ZSWIM5: variants seen among roughly 807,000 people sequenced by gnomAD.
ZSWIM5 encodes zinc finger SWIM-type containing 5, also known as zinc finger SWIM domain-containing protein 5.
In ZSWIM5, 55 loss-of-function variants were observed where a neutral mutation model predicts 119.6. The observed-to-expected ratio is 0.46, with a 90% CI of 0.37 to 0.58. The LOEUF (loss-of-function observed/expected upper bound fraction) is 0.58, where lower values mean the gene tolerates loss of function less well. Ranked by LOEUF, ZSWIM5 falls within the 20% of genes least tolerant of loss-of-function variation. The pLI is 0.00. For synonymous variants in ZSWIM5, 537 were observed against 606.9 expected, an observed-to-expected ratio of 0.88 and a Z score of 1.69; for missense variants, 1,193 against 1,512.8, an observed-to-expected ratio of 0.79 and a Z score of 3.51.
At chr1:45,094,584 C>T (rs1005655420) in intron 1 of ZSWIM5, among the ~76,000 whole-genome samples, 1 of 151,830 alleles carries the variant, frequency 6.6e-6, no homozygotes, top group Admixed American at 6.6e-5. Context: ...GAGACAGGGC[C>T]AGGCTTGGCG....
chr1:45,060,263 A>G lies in ZSWIM5; in HGVS notation c.953-16T>C. On this transcript the variant is annotated splice_polypyrimidine_tract_variant and intron_variant, in intron 2 of 13. Coordinates refer to ENST00000359600, the MANE Select transcript of ZSWIM5 (RefSeq NM_020883.2). ...TCAGGGGCACCTATGAAGAATGAGAACAGTGAAATGAATCACCTGAGTTCA... is the reference window on the plus strand; with the variant it reads ...TCAGGGGCACCTATGAAGAATGAGAGCAGTGAAATGAATCACCTGAGTTCA... The G allele has an allele frequency of 6.2e-7, 1 of 1,611,904 alleles. No individual in the cohort carries two copies. The highest frequency in any genetic ancestry group is 8.5e-7 in the Non-Finnish European group (1 of 1,179,274).
At chr1:45,071,710 C>T (rs577980893) in intron 2 of ZSWIM5, among the ~76,000 whole-genome samples, 4 of 152,158 alleles carry the variant, frequency 2.6e-5, no homozygotes, top group Non-Finnish European at 5.9e-5. Flanking sequence ...CTGCCTGCTT[C>T]GACCTCCCAA....
intron 1 of ZSWIM5, among the ~76,000 whole-genome samples, chr1:45,142,871 A>T (rs180727364): frequency 6.6e-6 from 1 of 152,030 alleles, no homozygotes; most frequent in Non-Finnish European, 1.5e-5. Flanking sequence ...AGAAAACACA[A>T]GGAAGAAAAC....
At chr1:45,035,641 C>T (rs756679357) in intron 10 of ZSWIM5, 47 bp downstream of exon 10, 19 of 1,599,550 alleles carry the variant, frequency 1.2e-5, no homozygotes, top group African/African-American at 9.4e-5. Context: ...GAGCACTGGA[C>T]ACTTCTGCTT....
rs541091181 is a variant in ZSWIM5, at chr1:45,197,097, A to C, written c.595+8659T>G. 1.2e-4 allele frequency among the ~76,000 whole-genome samples: 18 copies of C among 152,364 alleles called. No individual in the cohort carries two copies. In the South Asian group the frequency reaches 1.7e-3, roughly 14 times the overall value. On this transcript the variant is annotated intron_variant, in intron 1 of 13. Transcript: ENST00000359600. ...CAGAACTCAGCTGTGTTGACCAATC[A>C]GAACTAAGAAAGTTTGACTCCTTTA...
intron 1 of ZSWIM5, among the ~76,000 whole-genome samples, chr1:45,096,448 G>GCA (rs1177286581): frequency 0.02 from 3,094 of 151,332 alleles, 116 homozygotes; most frequent in African/African-American, 0.072. Context: ...GTGTGTGTGT[G>GCA]TGTGTGTGTG....
intron 1 of ZSWIM5, among the ~76,000 whole-genome samples, chr1:45,197,359 A>G (rs1646132714): frequency 6.6e-6 from 1 of 152,170 alleles, no homozygotes; most frequent in African/African-American, 2.4e-5. Flanking sequence ...CTTTGTCATT[A>G]TATCTCGGCT....
intron 11 of ZSWIM5, among the ~76,000 whole-genome samples, chr1:45,030,831 C>A (rs1644948730): frequency 8.0e-6 from 1 of 124,980 alleles, no homozygotes; most frequent in Non-Finnish European, 1.6e-5. Flanking sequence ...GAGTCTTACT[C>A]TGTCCTCCAG....
At chr1:45,048,599 G>T (rs1645071146) in intron 5 of ZSWIM5, among the ~76,000 whole-genome samples, 1 of 152,058 alleles carries the variant, frequency 6.6e-6, no homozygotes, top group Non-Finnish European at 1.5e-5. Flanking sequence ...ATTGAAACTG[G>T]GATACTAAAG....
In ZSWIM5 at chr1:45,062,183, C is replaced by T. The variant is rs1225721314; in HGVS notation, c.953-1936G>A. On this transcript the variant is annotated intron_variant, in intron 2 of 13. Coordinates refer to ENST00000359600, the MANE Select transcript of ZSWIM5 (RefSeq NM_020883.2). Reference sequence around the variant, plus strand: ...TTATTCTGTGACAAGTTTTTAGAAACCTACCTCCAAGTGACAATAGTCCAT... The same window carrying T: ...TTATTCTGTGACAAGTTTTTAGAAATCTACCTCCAAGTGACAATAGTCCAT... 5.3e-5 allele frequency among the ~76,000 whole-genome samples: 8 copies of T among 152,286 alleles called. No homozygotes were observed. The South Asian group carries it at 8.3e-4, about 16-fold the overall frequency.
chr1:45,120,006 C>T (rs1645581649), intron 1 of ZSWIM5, among the ~76,000 whole-genome samples: 1 of 152,142 alleles, frequency 6.6e-6, no homozygotes, highest in African/African-American at 2.4e-5. Flanking sequence ...AACCCAATTG[C>T]CTGTTCTTTC....
At chr1:45,064,063 G>C in intron 2 of ZSWIM5, among the ~76,000 whole-genome samples, 1 of 152,022 alleles carries the variant, frequency 6.6e-6, no homozygotes, top group South Asian at 2.1e-4. Flanking sequence ...AGTTTACTTG[G>C]CAACAGATTT....
chr1:45,059,272 G>A (rs1023707887), intron 3 of ZSWIM5, among the ~76,000 whole-genome samples: 9 of 152,116 alleles, frequency 5.9e-5, no homozygotes, highest in Admixed American at 2.0e-4. Context: ...TAAATAAAAC[G>A]TAGGGTATCC....
chr1:45,032,776 C>G (rs1006715283), intron 11 of ZSWIM5, among the ~76,000 whole-genome samples: 1 of 148,580 alleles, frequency 6.7e-6, no homozygotes, highest in African/African-American at 2.5e-5. Flanking sequence ...TGTGAGCCAC[C>G]GTGCCTGGCC....
At chr1:45,038,796 A>C in intron 8 of ZSWIM5, 140 bp downstream of exon 8, 1 of 973,690 alleles carries the variant, frequency 1.0e-6, no homozygotes, top group Non-Finnish European at 1.5e-6. Flanking sequence ...GGGTTTTGCC[A>C]TGTTGCCCAG....
intron 1 of ZSWIM5, among the ~76,000 whole-genome samples, chr1:45,165,739 C>T (rs1029269441): frequency 6.6e-6 from 1 of 152,116 alleles, no homozygotes; most frequent in Non-Finnish European, 1.5e-5. Context: ...AATTCCTGAA[C>T]ACATACACCC....
chr1:45,205,342 T>C (rs1417052230), intron 1 of ZSWIM5, among the ~76,000 whole-genome samples: 1 of 152,204 alleles, frequency 6.6e-6, no homozygotes, highest in Non-Finnish European at 1.5e-5. Flanking sequence ...GGGCTATAGA[T>C]TGCCTCTGAC....
intron 1 of ZSWIM5, among the ~76,000 whole-genome samples, chr1:45,171,324 C>T (rs1645944865): frequency 6.6e-6 from 1 of 152,048 alleles, no homozygotes; most frequent in East Asian, 1.9e-4. Context: ...AGTTCTAGCA[C>T]TATACCACAG....
intron 1 of ZSWIM5, among the ~76,000 whole-genome samples, chr1:45,140,451 AC>A (rs1645719873): frequency 6.6e-6 from 1 of 152,212 alleles, no homozygotes; most frequent in Admixed American, 6.5e-5. Flanking sequence ...TAATATGCCA[AC>A]AAAGGAGATA....
Sources: allele counts gnomAD v4.1 joint callset (sites outside exome capture counted in the v4.1 genomes callset), GRCh38; gene constraint gnomAD v4.1.1; transcripts MANE v1.5; gene names NCBI Gene and HGNC (gene_info 2026-07-23, HGNC 2026-07-21).